Variants in RANBP2 observed in about 807,000 individuals in gnomAD.
The protein encoded by RANBP2 is E3 SUMO-protein ligase RanBP2.
Under a neutral mutation model 303.6 loss-of-function variants are expected in RANBP2, and 57 were observed. That is an observed-to-expected ratio of 0.19 (90% CI 0.15 to 0.23). RANBP2 has a LOEUF of 0.23. RANBP2 is among the 10% of genes least tolerant of loss of function. RANBP2 has a pLI of 1.00. For missense variants in RANBP2, 3,138 were observed against 3,780.8 expected (o/e 0.83, Z 4.46); for synonymous variants, 1,167 against 1,301.5 (o/e 0.90, Z 2.23).
At chr2:108,970,358 G>A in the RANBP2 span, among the ~76,000 whole-genome samples, 2 of 152,200 alleles carry the variant, frequency 1.3e-5, no homozygotes, top group Non-Finnish European at 2.9e-5. Flanking sequence ...TGCAAATGGT[G>A]TGTAAAGGTT....
the RANBP2 span, among the ~76,000 whole-genome samples, chr2:109,465,780 C>G: frequency 6.6e-6 from 1 of 152,088 alleles, no homozygotes; most frequent in South Asian, 2.1e-4. Context: ...GGAGCAGGAG[C>G]AAGAGGGGAG....
the RANBP2 span, among the ~76,000 whole-genome samples, chr2:109,741,389 G>A: frequency 2.0e-3 from 297 of 152,216 alleles, 2 homozygotes; most frequent in African/African-American, 7.1e-3. Context: ...AGGATTAGGG[G>A]AGAACATGGT....
chr2:109,046,368 C>CTT, the RANBP2 span, among the ~76,000 whole-genome samples: 1 of 132,946 alleles, frequency 7.5e-6, no homozygotes, highest in African/African-American at 2.7e-5. Flanking sequence ...TGGGTAACTG[C>CTT]TTTTTTTTTT....
the RANBP2 span, among the ~76,000 whole-genome samples, chr2:109,367,921 G>T: frequency 1.3e-5 from 2 of 152,160 alleles, no homozygotes; most frequent in Admixed American, 1.3e-4. Flanking sequence ...ACCAAAAATG[G>T]GAAAGTGCCT....
chr2:109,088,504 T>A, the RANBP2 span, among the ~76,000 whole-genome samples: 45 of 151,674 alleles, frequency 3.0e-4, no homozygotes, highest in Admixed American at 1.5e-3. Flanking sequence ...GAAACAATGC[T>A]GTCTTTATTA....
the RANBP2 span, among the ~76,000 whole-genome samples, chr2:109,435,131 A>T: frequency 6.6e-6 from 1 of 152,180 alleles, no homozygotes; most frequent in Non-Finnish European, 1.5e-5. Flanking sequence ...CAGTGTCAGG[A>T]GGTCATTGAG....
chr2:109,505,772 T>A, the RANBP2 span, among the ~76,000 whole-genome samples: 1 of 152,164 alleles, frequency 6.6e-6, no homozygotes, highest in Non-Finnish European at 1.5e-5. Context: ...TTATCCAATG[T>A]CAAGTCTACC....
At chr2:109,542,198 T>C in the RANBP2 span, among the ~76,000 whole-genome samples, 1 of 152,220 alleles carries the variant, frequency 6.6e-6, no homozygotes, top group Non-Finnish European at 1.5e-5. Flanking sequence ...TAAATTAGCT[T>C]TGTAAGAAGA....
At chr2:109,646,802 G>A in the RANBP2 span, among the ~76,000 whole-genome samples, 4 of 151,760 alleles carry the variant, frequency 2.6e-5, no homozygotes, top group African/African-American at 9.7e-5. Flanking sequence ...CACTGCTCCC[G>A]GCCACAAATG....
chr2:109,347,631 G>A, the RANBP2 span: 1 of 1,594,372 alleles, frequency 6.3e-7, no homozygotes, highest in African/African-American at 1.3e-5. Context: ...GGGGCATTGG[G>A]AAGGGGCATG....
At chr2:109,465,339 T>TTAGGAGTATG in the RANBP2 span, among the ~76,000 whole-genome samples, 3 of 152,200 alleles carry the variant, frequency 2.0e-5, no homozygotes, top group African/African-American at 7.2e-5. Context: ...AAAGGAGATT[T>TTAGGAGTATG]TAGGAGTATG....
the RANBP2 span, among the ~76,000 whole-genome samples, chr2:108,859,083 G>C: frequency 6.6e-6 from 1 of 152,030 alleles, no homozygotes; most frequent in Admixed American, 6.6e-5. Flanking sequence ...TTTGACTTTA[G>C]TAATAGCCGT....
chr2:109,201,116 C>G, the RANBP2 span, among the ~76,000 whole-genome samples: 2 of 152,226 alleles, frequency 1.3e-5, no homozygotes, highest in Admixed American at 6.5e-5. Context: ...CAGCACAGAC[C>G]TTATTTTATA....
At chr2:109,652,791 G>A in the RANBP2 span, among the ~76,000 whole-genome samples, 6 of 152,266 alleles carry the variant, frequency 3.9e-5, no homozygotes, top group African/African-American at 7.2e-5. Flanking sequence ...TAGAAGCTAC[G>A]GATTTGCTCT....
the RANBP2 span, among the ~76,000 whole-genome samples, chr2:109,088,898 G>A: frequency 3.9e-5 from 6 of 152,296 alleles, no homozygotes; most frequent in Admixed American, 6.5e-5. Context: ...GGTTCCAAGA[G>A]GATATTATAA....
At chr2:108,957,892 G>A in the RANBP2 span, among the ~76,000 whole-genome samples, 2 of 152,016 alleles carry the variant, frequency 1.3e-5, no homozygotes, top group East Asian at 1.9e-4. Context: ...TAATTATAGC[G>A]CAGGAAAGCT....
the RANBP2 span, among the ~76,000 whole-genome samples, chr2:109,647,757 AC>A: frequency 6.6e-6 from 1 of 152,090 alleles, no homozygotes; most frequent in Non-Finnish European, 1.5e-5. Context: ...GGCATGAGCC[AC>A]CCCGCCCGGC....
the RANBP2 span, among the ~76,000 whole-genome samples, chr2:109,657,514 C>A: frequency 6.6e-6 from 1 of 152,046 alleles, no homozygotes; most frequent in African/African-American, 2.4e-5. Flanking sequence ...ATGTTCCCAA[C>A]CATGTTTTCT....
chr2:109,718,753 G>T, the RANBP2 span, among the ~76,000 whole-genome samples: 4 of 152,100 alleles, frequency 2.6e-5, no homozygotes, highest in Admixed American at 6.5e-5. Context: ...GTCGAGGCAG[G>T]CAGATCATGA....
Sources: allele counts gnomAD v4.1 joint callset (sites outside exome capture counted in the v4.1 genomes callset), GRCh38; gene constraint gnomAD v4.1.1; transcripts MANE v1.5; gene names NCBI Gene and HGNC (gene_info 2026-07-23, HGNC 2026-07-21).